The following PXN variants were observed in gnomAD, a reference collection of about 807,000 sequenced individuals.
The protein encoded by PXN is testicular tissue protein Li 134.
PXN carries 61 observed loss-of-function variants against 103.6 expected under a neutral mutation model. That is an observed-to-expected ratio of 0.59 (90% CI 0.48 to 0.73). The LOEUF is 0.73. Among genes scored for constraint, PXN ranks in the 30% least tolerant of loss-of-function variants. The pLI, the probability that PXN is intolerant of heterozygous loss-of-function variation, is 0.00. For missense variants in PXN, 1,274 were observed against 1,460.3 expected, an observed-to-expected ratio of 0.87 and a Z score of 2.08; for synonymous variants, 562 against 607.8, an observed-to-expected ratio of 0.92 and a Z score of 1.11.
intron 1 of PXN, among the ~76,000 whole-genome samples, chr12:120,245,290 T>C (rs1456611961): frequency 6.6e-6 from 1 of 151,692 alleles, no homozygotes. Context: ...ACTGACAGCA[T>C]CGATTATCAT....
At chr12:120,240,271 A>C (rs1889914935) in intron 1 of PXN, among the ~76,000 whole-genome samples, 1 of 152,144 alleles carries the variant, frequency 6.6e-6, no homozygotes, top group Non-Finnish European at 1.5e-5. Flanking sequence ...GTGACAGGTG[A>C]CAGATGGGGG....
intron 1 of PXN, among the ~76,000 whole-genome samples, chr12:120,264,776 C>T (rs1004653077): frequency 3.9e-5 from 6 of 152,200 alleles, no homozygotes; most frequent in African/African-American, 1.4e-4. Context: ...CACCTCATTC[C>T]CCTGGCATTT....
intron 3 of PXN, 86 bp downstream of exon 3, chr12:120,223,632 C>T: frequency 9.4e-7 from 1 of 1,059,202 alleles, no homozygotes; most frequent in South Asian, 1.5e-5. Flanking sequence ...ATGCCTGCTC[C>T]CGGGCCTCCG....
chr12:120,240,731 G>T (rs1889998906), intron 1 of PXN, among the ~76,000 whole-genome samples: 1 of 152,182 alleles, frequency 6.6e-6, no homozygotes, highest in South Asian at 2.1e-4. Context: ...CAAGAAAGGA[G>T]TCCAGGGATG....
rs1427130643 is a variant in PXN, at chr12:120,265,275, G to C, written c.13+342C>G. On this transcript the variant is annotated intron_variant, in intron 1 of 14. Transcript: ENST00000637617. The surrounding 1 kb of genome is among the most constrained non-coding windows in gnomAD (Gnocchi z 5.7). The stretch of plus-strand genomic sequence containing the variant: ...TAGCTGACGAGGTGGTCTGCCGCAG[G>C]AAGTCTCGTCCCTGCAGCGGACGGG... Among the ~76,000 whole-genome samples the C allele has an allele frequency of 6.6e-6, 1 of 152,020 alleles. No homozygotes were observed. Among genetic ancestry groups the C allele is most frequent in the African/African-American group, 2.4e-5 (1 of 41,402 alleles).
Position 120,212,259 on chromosome 12 carries a change from A to G in PXN, c.*55T>C. On this transcript the variant is annotated 3_prime_UTR_variant, in exon 15 of 15. Coordinates refer to ENST00000637617, the MANE Select transcript of PXN (RefSeq NM_001385981.1). The surrounding 1 kb of genome is among the most constrained non-coding windows in gnomAD (Gnocchi z 7.2). ...CCCCCGGGTGAAGTCTCTAGGTCAC[A>G]GTCGCAGTTGGGGATGCTGGCTGGG... The G allele has an allele frequency of 6.3e-7, 1 of 1,584,648 alleles. No homozygotes were observed. Among genetic ancestry groups the G allele is most frequent in the South Asian group, 1.1e-5 (1 of 87,576 alleles).
At chr12:120,257,677 A>T (rs1893234461) in intron 1 of PXN, among the ~76,000 whole-genome samples, 2 of 152,196 alleles carry the variant, frequency 1.3e-5, no homozygotes, top group African/African-American at 4.8e-5. Context: ...GACAGGAGGG[A>T]CCAAGGGAGT....
chr12:120,242,682 C>T (rs2283365), intron 1 of PXN, among the ~76,000 whole-genome samples: 23,266 of 151,834 alleles, frequency 0.15, 2,102 homozygotes, highest in East Asian at 0.46. Flanking sequence ...GGTCAGGAGT[C>T]CGAGTCCAGC....
intron 1 of PXN, among the ~76,000 whole-genome samples, chr12:120,230,544 G>T (rs1052588012): frequency 6.6e-6 from 1 of 152,130 alleles, no homozygotes; most frequent in South Asian, 2.1e-4. Flanking sequence ...AGCAGGACCA[G>T]CTCAGGGATG....
Position 120,212,863 on chromosome 12 carries a change from C to T in PXN, c.2980-283G>A, listed in dbSNP as rs550955396. 6.1e-6 allele frequency: 2 copies of T among 325,392 alleles called. No individual in the cohort carries two copies. The highest frequency in any genetic ancestry group is 4.3e-5 in the African/African-American group (2 of 46,652). The allele number at this position is 325,392 out of a possible 1,614,324, so 20.2% of individuals were successfully genotyped here. ...CCCACAGGGCTGGGATTATTTAGTT[C>T]TCCCAACAGGGGAGGCAACTGAAGC... On this transcript the variant is annotated intron_variant, in intron 14 of 14. Coordinates refer to ENST00000637617, the MANE Select transcript of PXN (RefSeq NM_001385981.1). The surrounding 1 kb of genome is among the most constrained non-coding windows in gnomAD (Gnocchi z 7.2).
rs1000050487 is a variant in PXN, at chr12:120,265,497, G to A, written c.13+120C>T. 3 of 1,183,834 alleles carry A rather than the reference G, an allele frequency of 2.5e-6. No individual in the cohort carries two copies. The African/African-American group carries it at 4.9e-5, about 19-fold the overall frequency. 73.3% of individuals were successfully genotyped at this position (1,183,834 alleles called of 1,614,324 possible). On this transcript the variant is annotated intron_variant, in intron 1 of 14. Coordinates refer to ENST00000637617, the MANE Select transcript of PXN (RefSeq NM_001385981.1). The surrounding 1 kb of genome is among the most constrained non-coding windows in gnomAD (Gnocchi z 5.7). ...CGCGGAGCCCCGGCCGGCAGGGACA[G>A]GAGCTGAGGCCGGGGCCGCCGAGGG...
At chr12:120,218,874 G>C (rs2136241509) in intron 7 of PXN, among the ~76,000 whole-genome samples, 1 of 152,354 alleles carries the variant, frequency 6.6e-6, no homozygotes, top group Middle Eastern at 3.4e-3. Context: ...CAAGGTCACA[G>C]AGGTAGCAAG....
rs1566362481 is a variant in PXN, at chr12:120,216,182, ATGTGTGTGTGCACG to A, written c.2301+77_2301+90del. The A allele has an allele frequency of 6.3e-6, 8 of 1,274,234 alleles. No homozygotes were observed. The highest frequency in any genetic ancestry group is 3.1e-5 in the East Asian group (1 of 32,170). The allele number at this position is 1,274,234 out of a possible 1,614,324, so 78.9% of individuals were successfully genotyped here. On this transcript the variant is annotated intron_variant, in intron 9 of 14. Transcript: ENST00000637617. This position sits in a 1 kb window ranked among gnomAD's most constrained non-coding sequence, Gnocchi z 5.1. ...ATGGAGGGATGGAGGGTATCTGTGTATGTGTGTGTGCACGTGTGTGTGTGCAGAGTGGGGGATGG... is the reference window on the plus strand; with the variant it reads ...ATGGAGGGATGGAGGGTATCTGTGTATGTGTGTGTGCAGAGTGGGGGATGG...
In PXN at chr12:120,224,937, T is replaced by C. The variant is rs1886414458; in HGVS notation, c.14-560A>G. 8.5e-6 allele frequency: 3 copies of C among 352,050 alleles called. No individual in the cohort carries two copies. Among genetic ancestry groups the C allele is most frequent in the Non-Finnish European group, 1.7e-5 (3 of 177,066 alleles). 21.8% of individuals were successfully genotyped at this position (352,050 alleles called of 1,614,324 possible). On this transcript the variant is annotated intron_variant, in intron 1 of 14. Transcript: ENST00000637617. This position sits in a 1 kb window ranked among gnomAD's most constrained non-coding sequence, Gnocchi z 5.0. ...CTCCTGAGGCTCTAGGCTTATGGGG[T>C]AAGGTGTGCGGGGAGGTGGGGGCTG... is the stretch of plus-strand genomic sequence containing the variant.
chr12:120,246,865 A>G (rs1771402357), intron 1 of PXN, among the ~76,000 whole-genome samples: 1 of 151,696 alleles, frequency 6.6e-6, no homozygotes, highest in Non-Finnish European at 1.5e-5. Context: ...AAAAAAAAAA[A>G]AAAAAAGAAA....
chr12:120,233,312 C>T (rs1367560767), intron 1 of PXN, among the ~76,000 whole-genome samples: 1 of 152,056 alleles, frequency 6.6e-6, no homozygotes, highest in African/African-American at 2.4e-5. Context: ...CCTCATAGGC[C>T]TCCTTTTTTT....
intron 1 of PXN, among the ~76,000 whole-genome samples, chr12:120,235,000 C>T (rs1208186549): frequency 2.0e-5 from 3 of 152,182 alleles, no homozygotes; most frequent in African/African-American, 7.2e-5. Context: ...GTCTCGGGTT[C>T]ATTCCAAGTC....
rs775289495 is a variant in PXN, at chr12:120,214,004, G to A, written c.2831-14C>T. 10 of 1,610,328 alleles carry A rather than the reference G, an allele frequency of 6.2e-6. No homozygotes were observed. The South Asian group carries it at 8.9e-5, about 14-fold the overall frequency. On this transcript the variant is annotated splice_polypyrimidine_tract_variant and intron_variant, in intron 13 of 14. Transcript: ENST00000637617. The surrounding 1 kb of genome is among the most constrained non-coding windows in gnomAD (Gnocchi z 5.0). Reference sequence around the variant, plus strand: ...TCTCGTGGAACCCTGGGGAGCGGGGGTTTTGGAGGCACAGTTCATTCCGGC... The same window carrying A: ...TCTCGTGGAACCCTGGGGAGCGGGGATTTTGGAGGCACAGTTCATTCCGGC...
chr12:120,211,720 G>A lies in PXN; in HGVS notation c.*594C>T, dbSNP rs1566340119. ...GAACAAGAGCAGGTATAAAAGGGGA[G>A]GGCGGGTCTAAAAGGCAGGGGCAGT... is the stretch of plus-strand genomic sequence containing the variant. On this transcript the variant is annotated 3_prime_UTR_variant, in exon 15 of 15. Transcript: ENST00000637617. 1.6e-4 allele frequency: 54 copies of A among 345,428 alleles called. 1 individual carries two copies. The highest frequency in any genetic ancestry group is 1.2e-3 in the South Asian group (54 of 45,642). 21.4% of individuals were successfully genotyped at this position (345,428 alleles called of 1,614,324 possible).
Sources: gnomAD v4.1 joint callset for allele counts (sites outside exome capture counted in the v4.1 genomes callset) on GRCh38, gnomAD v4.1.1 for gene constraint, Gnocchi (gnomAD v3.1) non-coding constraint, MANE v1.5 for transcripts, NCBI Gene and HGNC (gene_info 2026-07-23, HGNC 2026-07-21) for gene names.